CSMD2: variants seen among roughly 807,000 people sequenced by gnomAD.
CSMD2 encodes the protein CUB and sushi domain-containing protein 2.
CSMD2 carries 130 observed loss-of-function variants against 398.5 expected under a neutral mutation model. That is an observed-to-expected ratio of 0.33 (90% CI 0.28 to 0.38). The LOEUF is 0.38. CSMD2 is among the 10% of genes least tolerant of loss of function. CSMD2 has a pLI of 1.00. For synonymous variants in CSMD2, 1,828 were observed against 1,908.5 expected, an observed-to-expected ratio of 0.96 and a Z score of 1.10; for missense variants, 3,829 against 4,764.9, an observed-to-expected ratio of 0.80 and a Z score of 5.78.
At chr1:33,793,357 T>C (rs1195634757) in intron 10 of CSMD2, among the ~76,000 whole-genome samples, 1 of 151,040 alleles carries the variant, frequency 6.6e-6, no homozygotes, top group Non-Finnish European at 1.5e-5. Flanking sequence ...TGGGAAGGAG[T>C]CAGGTGCACA....
intron 14 of CSMD2, among the ~76,000 whole-genome samples, chr1:33,740,294 CT>C (rs1647016144): frequency 1.4e-5 from 1 of 71,656 alleles, no homozygotes; most frequent in African/African-American, 1.6e-4. Flanking sequence ...CGAAGCCAGG[CT>C]CTATTTTCAC....
intron 47 of CSMD2, among the ~76,000 whole-genome samples, chr1:33,581,237 C>G (rs535390485): frequency 2.6e-5 from 4 of 151,228 alleles, no homozygotes; most frequent in African/African-American, 9.7e-5. Flanking sequence ...CACCCTACTT[C>G]TCTTGTGTGT....
At chr1:34,084,601 T>A (rs920773892) in intron 2 of CSMD2, among the ~76,000 whole-genome samples, 1 of 152,146 alleles carries the variant, frequency 6.6e-6, no homozygotes, top group African/African-American at 2.4e-5. Flanking sequence ...AAAGAAGACA[T>A]TTATGCAGCC....
At chr1:33,861,317 A>G (rs550190320) in intron 5 of CSMD2, 1 of 152,338 alleles carries the variant, frequency 6.6e-6, no homozygotes, top group Admixed American at 6.5e-5. Flanking sequence ...TTATTGGAAC[A>G]TAGCCACACT....
chr1:33,831,965 T>C (rs1261316255), intron 6 of CSMD2, among the ~76,000 whole-genome samples: 3 of 152,088 alleles, frequency 2.0e-5, no homozygotes, highest in African/African-American at 4.8e-5. Context: ...GAGCTAACTA[T>C]CTTAAATATA....
At chr1:33,630,323 G>A (rs1642394658) in intron 32 of CSMD2, among the ~76,000 whole-genome samples, 2 of 152,116 alleles carry the variant, frequency 1.3e-5, no homozygotes, top group African/African-American at 4.8e-5. Flanking sequence ...TGTGTGAGGT[G>A]GTGGTTACAA....
intron 43 of CSMD2, 149 bp from the exon 44 acceptor site, chr1:33,601,159 C>A: frequency 9.9e-7 from 1 of 1,005,184 alleles, no homozygotes; most frequent in Non-Finnish European, 1.4e-6. Flanking sequence ...CCCTAAATAC[C>A]TCTCCCAACC....
chr1:33,623,609 TA>T, intron 35 of CSMD2, 143 bp from the exon 36 acceptor site: 1 of 625,686 alleles, frequency 1.6e-6, no homozygotes, highest in Non-Finnish European at 2.8e-6. Flanking sequence ...TCCCTTTCAA[TA>T]AAAGTAAGAT....
At chr1:33,706,835 TGTGTGC>T (rs761329489) in intron 22 of CSMD2, among the ~76,000 whole-genome samples, 1 of 151,444 alleles carries the variant, frequency 6.6e-6, no homozygotes, top group African/African-American at 2.4e-5. Context: ...TGTGTATGTG[TGTGTGC>T]GTGTGTGCAT....
Position 33,519,597 on chromosome 1 carries a change from T to C in CSMD2, c.10817A>G (p.Tyr3606Cys), listed in dbSNP as rs769379800. 6.2e-7 allele frequency: 1 copy of C among 1,614,050 alleles called. No individual in the cohort carries two copies. Among genetic ancestry groups the C allele is most frequent in the Non-Finnish European group, 8.5e-7 (1 of 1,179,992 alleles). ...NVRATFENPMYDRNIQPTDIM... is the reference protein window; with the variant it reads ...NVRATFENPMCDRNIQPTDIM... ...GTCTGTGGGCTGGATGTTGCGGTCG[T>C]ACATTGGGTTCTCAAATGTGGCCCG... is the stretch of plus-strand genomic sequence containing the variant. Residue 3606 changes from tyrosine (Y) to cysteine (C), a missense_variant, in exon 70 of 71, where the codon TAC (tyrosine) becomes TGC (cysteine). Tyr to Cys is a radical substitution (Grantham distance 194). Coordinates refer to ENST00000373381, the MANE Select transcript of CSMD2 (RefSeq NM_001281956.2). The surrounding 1 kb of genome is among the most constrained non-coding windows in gnomAD (Gnocchi z 5.6).
chr1:34,119,935 T>C (rs185062223), intron 1 of CSMD2, among the ~76,000 whole-genome samples: 118 of 152,316 alleles, frequency 7.7e-4, no homozygotes, highest in African/African-American at 2.6e-3. Context: ...CCAAAAGAAA[T>C]TGAAAACAGG....
At chr1:34,092,498 A>G (rs549190598) in intron 1 of CSMD2, among the ~76,000 whole-genome samples, 8 of 152,136 alleles carry the variant, frequency 5.3e-5, no homozygotes, top group South Asian at 2.1e-4. Context: ...CTGAGGTACC[A>G]GGTTCATCTC....
intron 46 of CSMD2, 103 bp from the exon 47 acceptor site, chr1:33,583,933 G>T: frequency 2.1e-6 from 2 of 937,310 alleles, no homozygotes; most frequent in Non-Finnish European, 3.3e-6. Flanking sequence ...TAGAAAATCA[G>T]TATTTGAGCA....
intron 2 of CSMD2, among the ~76,000 whole-genome samples, chr1:34,084,926 T>C (rs1254481177): frequency 6.6e-6 from 1 of 152,172 alleles, no homozygotes; most frequent in African/African-American, 2.4e-5. Flanking sequence ...AAGACACATG[T>C]ACACATATGT....
chr1:33,907,288 T>TA (rs1388144451), intron 5 of CSMD2, among the ~76,000 whole-genome samples: 2 of 151,114 alleles, frequency 1.3e-5, no homozygotes, highest in Non-Finnish European at 3.0e-5. Context: ...CCAGCTAATT[T>TA]TTTTTTTTTT....
intron 1 of CSMD2, among the ~76,000 whole-genome samples, chr1:34,140,200 G>A (rs1298632465): frequency 6.6e-6 from 1 of 151,952 alleles, no homozygotes; most frequent in Non-Finnish European, 1.5e-5. Flanking sequence ...AGACTGCGGG[G>A]GCAGGGGGCC....
intron 3 of CSMD2, among the ~76,000 whole-genome samples, chr1:33,983,367 T>C (rs1049089669): frequency 5.9e-5 from 9 of 152,210 alleles, no homozygotes; most frequent in Non-Finnish European, 1.0e-4. Context: ...GGGGCATCTC[T>C]CTACTTGGGA....
intron 1 of CSMD2, among the ~76,000 whole-genome samples, chr1:34,096,050 A>T (rs1659255578): frequency 6.6e-6 from 1 of 151,960 alleles, no homozygotes; most frequent in Non-Finnish European, 1.5e-5. Flanking sequence ...CACATCAAAA[A>T]GATTATCCAC....
At chr1:33,833,163 AT>A (rs1335908190) in intron 6 of CSMD2, among the ~76,000 whole-genome samples, 2 of 53,418 alleles carry the variant, frequency 3.7e-5, no homozygotes, top group Non-Finnish European at 5.8e-5. Flanking sequence ...AGGCCGCCTC[AT>A]ACCTGATACC....
Sources: gnomAD v4.1 joint callset for allele counts (sites outside exome capture counted in the v4.1 genomes callset) on GRCh38, gnomAD v4.1.1 for gene constraint, Gnocchi (gnomAD v3.1) non-coding constraint, MANE v1.5 for transcripts, NCBI Gene and HGNC (gene_info 2026-07-23, HGNC 2026-07-21) for gene names.